Variants in ST3GAL1 observed in about 807,000 individuals in gnomAD.
ST3GAL1 encodes CMP-N-acetylneuraminate-beta-galactosamide-alpha-2,3-sialyltransferase 1.
Under a neutral mutation model 34.1 loss-of-function variants are expected in ST3GAL1, and 16 were observed. The ratio of observed to expected loss-of-function variants is 0.47; its 90% CI spans 0.32 to 0.71. ST3GAL1 has a LOEUF of 0.71. Ranked by LOEUF, ST3GAL1 falls within the 30% of genes least tolerant of loss-of-function variation. The pLI, the probability that ST3GAL1 is intolerant of heterozygous loss-of-function variation, is 0.04. For missense variants in ST3GAL1, 353 were observed against 447.4 expected, an observed-to-expected ratio of 0.79 and a Z score of 1.90; for synonymous variants, 191 against 184.7, an observed-to-expected ratio of 1.03 and a Z score of -0.28.
rs1369561069 is a variant in ST3GAL1, at chr8:133,556,819, G to T, written c.-581-10893C>A. Among the ~76,000 whole-genome samples, 1 of 152,140 alleles carries T rather than the reference G, an allele frequency of 6.6e-6. No homozygotes were observed. On this transcript the variant is annotated intron_variant, in intron 1 of 9. Coordinates refer to ENST00000522652, the MANE Select transcript of ST3GAL1 (RefSeq NM_173344.3). This position sits in a 1 kb window ranked among gnomAD's most constrained non-coding sequence, Gnocchi z 8.9. Reference sequence around the variant, plus strand: ...CCCTTTGAAATATGGTGTGGTGGAGGGGGGACATTTTGTTCTTTTGGCCTC... The same window carrying T: ...CCCTTTGAAATATGGTGTGGTGGAGTGGGGACATTTTGTTCTTTTGGCCTC...
At chr8:133,542,875 T>TA (rs1296712130) in intron 2 of ST3GAL1, among the ~76,000 whole-genome samples, 3 of 151,052 alleles carry the variant, frequency 2.0e-5, no homozygotes, top group Non-Finnish European at 2.9e-5. Flanking sequence ...CAGCAAAATT[T>TA]AAAAAATCAC....
chr8:133,541,511 C>T (rs188165875), intron 2 of ST3GAL1, among the ~76,000 whole-genome samples: 9 of 152,200 alleles, frequency 5.9e-5, no homozygotes, highest in Admixed American at 1.3e-4. Flanking sequence ...TACACCACCA[C>T]GTGCGTCTAC....
At chr8:133,512,062 A>G (rs759593596) in intron 2 of ST3GAL1, among the ~76,000 whole-genome samples, 8 of 152,170 alleles carry the variant, frequency 5.3e-5, no homozygotes, top group Non-Finnish European at 1.0e-4. Context: ...AAAACAAAAC[A>G]AAACAAAAAT....
At chr8:133,507,523 C>A (rs745658388) in intron 2 of ST3GAL1, among the ~76,000 whole-genome samples, 1 of 152,052 alleles carries the variant, frequency 6.6e-6, no homozygotes. Flanking sequence ...CTTGCAGGCA[C>A]GGGCATTACC....
rs1405037800 is a variant in ST3GAL1, at chr8:133,464,850, A to C, written c.611T>G (p.Met204Arg). 1 of 1,614,004 alleles carries C rather than the reference A, an allele frequency of 6.2e-7. No individual in the cohort carries two copies. ...SFRELGDNVS[M>R]ILVPFKTIDL... Reference sequence around the variant, plus strand: ...GATGGTCTTGAAGGGCACCAGGATCATGCTGACATTATCTCCCAGCTCCCG... The same window carrying C: ...GATGGTCTTGAAGGGCACCAGGATCCTGCTGACATTATCTCCCAGCTCCCG... The change falls in exon 7 of 10, where the codon ATG becomes AGG. Residue 204 changes from methionine to arginine, a missense_variant. By Grantham distance (91) the Met-to-Arg change is moderately conservative. Transcript: ENST00000522652.
Position 133,479,140 on chromosome 8 carries a change from G to A in ST3GAL1, c.-373-2540C>T, listed in dbSNP as rs183119864. On this transcript the variant is annotated intron_variant, in intron 3 of 9. Coordinates refer to ENST00000522652, the MANE Select transcript of ST3GAL1 (RefSeq NM_173344.3). ...TTTCTCGGGGCCGTCAGCCCATCAA[G>A]GTTGTCCATTCATCTCATTCATTGA... is the stretch of plus-strand genomic sequence containing the variant. Among the ~76,000 whole-genome samples the A allele has an allele frequency of 5.3e-5, 8 of 152,340 alleles. No homozygotes were observed. In the East Asian group the frequency reaches 1.5e-3, roughly 29 times the overall value.
chr8:133,456,426 G>A lies in ST3GAL1; in HGVS notation c.*3338C>T, dbSNP rs1199297196. 4 of 152,264 alleles carry A rather than the reference G, an allele frequency of 2.6e-5. No homozygotes were observed. Among genetic ancestry groups the A allele is most frequent in the African/African-American group, 9.6e-5 (4 of 41,466 alleles). The allele number at this position is 152,264 out of a possible 1,614,324, so 9.4% of individuals were successfully genotyped here. ...CCTGAATGCAGGGCCAGTCTCCAAG[G>A]AACTCTGTCTGCAGAGTAGAAAGAG... On this transcript the variant is annotated 3_prime_UTR_variant, in exon 10 of 10. Coordinates refer to ENST00000522652, the MANE Select transcript of ST3GAL1 (RefSeq NM_173344.3).
Position 133,475,840 on chromosome 8 carries a change from G to A in ST3GAL1, c.185C>T (p.Thr62Ile), listed in dbSNP as rs780980783. ...GAGCTTGCGCTGCCCGATGCAGTGG[G>A]TGCAGGTGCAAGGCCTGTGCTTGAT... ...RLIKHRPCTC[T>I]HCIGQRKLSA... The change falls in exon 5 of 10, where the codon ACC becomes ATC. Residue 62 changes from threonine to isoleucine, a missense_variant. Transcript: ENST00000522652. The A allele has an allele frequency of 3.1e-6, 5 of 1,614,176 alleles. No homozygotes were observed. Among genetic ancestry groups the A allele is most frequent in the Middle Eastern group, 1.6e-4 (1 of 6,062 alleles).
At chr8:133,483,917 C>G (rs1816485233) in intron 3 of ST3GAL1, among the ~76,000 whole-genome samples, 1 of 152,206 alleles carries the variant, frequency 6.6e-6, no homozygotes, top group Admixed American at 6.5e-5. Flanking sequence ...CAATTTTCCA[C>G]TCTCCAATCA....
chr8:133,560,560 A>G (rs77742405), intron 1 of ST3GAL1, among the ~76,000 whole-genome samples: 6,001 of 152,312 alleles, frequency 0.039, 355 homozygotes, highest in African/African-American at 0.13. Context: ...AAAGGATGTT[A>G]CAGAGCATGG....
intron 2 of ST3GAL1, among the ~76,000 whole-genome samples, chr8:133,509,439 G>C (rs2131008804): frequency 6.6e-6 from 1 of 152,336 alleles, no homozygotes; most frequent in South Asian, 2.1e-4. Flanking sequence ...CCTCTCTAAG[G>C]TTCATCTGTA....
chr8:133,569,362 A>G (rs1819496574), intron 1 of ST3GAL1, among the ~76,000 whole-genome samples: 1 of 152,268 alleles, frequency 6.6e-6, no homozygotes, highest in South Asian at 2.1e-4. Context: ...GTCAAGGTAT[A>G]CACATACACA....
intron 1 of ST3GAL1, among the ~76,000 whole-genome samples, chr8:133,550,696 C>T (rs890197619): frequency 2.6e-5 from 4 of 152,182 alleles, no homozygotes; most frequent in Non-Finnish European, 5.9e-5. Flanking sequence ...TGTCTACCTT[C>T]TCCAGCTAGA....
At chr8:133,531,814 GAA>G (rs55909710) in intron 2 of ST3GAL1, among the ~76,000 whole-genome samples, 2,796 of 99,720 alleles carry the variant, frequency 0.028, 52 homozygotes, top group South Asian at 0.07. Context: ...CTTAAAAACA[GAA>G]AAAAAAAAAA....
At chr8:133,494,813 A>G (rs969000287) in intron 3 of ST3GAL1, among the ~76,000 whole-genome samples, 2 of 151,974 alleles carry the variant, frequency 1.3e-5, no homozygotes, top group Non-Finnish European at 2.9e-5. Context: ...TAGTAAGGTC[A>G]TTCCTTTACT....
At chr8:133,487,225 T>C (rs543085455) in intron 3 of ST3GAL1, among the ~76,000 whole-genome samples, 23 of 152,110 alleles carry the variant, frequency 1.5e-4, no homozygotes, top group South Asian at 8.3e-4. Flanking sequence ...AGGCATGAGC[T>C]ACCACACCGT....
In ST3GAL1 at chr8:133,467,070, G is replaced by C. The variant is rs185072564; in HGVS notation, c.307-980C>G. On this transcript the variant is annotated intron_variant, in intron 5 of 9. Coordinates refer to ENST00000522652, the MANE Select transcript of ST3GAL1 (RefSeq NM_173344.3). The surrounding 1 kb of genome is among the most constrained non-coding windows in gnomAD (Gnocchi z 4.2). Reference sequence around the variant, plus strand: ...AGACAGTGCCACTGCACTTCAGCCTGGGTGACAGAGCGAGACTCCAACTCG... The same window carrying C: ...AGACAGTGCCACTGCACTTCAGCCTCGGTGACAGAGCGAGACTCCAACTCG... Among the ~76,000 whole-genome samples the C allele has an allele frequency of 2.0e-3, 300 of 151,596 alleles. No homozygotes were observed. The highest frequency in any genetic ancestry group is 7.1e-3 in the African/African-American group (294 of 41,248).
chr8:133,568,927 C>A (rs1351756854), intron 1 of ST3GAL1, among the ~76,000 whole-genome samples: 1 of 152,164 alleles, frequency 6.6e-6, no homozygotes, highest in African/African-American at 2.4e-5. Context: ...TCCAGATCAG[C>A]GACAGCCAAT....
At chr8:133,548,857 G>A (rs972419174) in intron 1 of ST3GAL1, among the ~76,000 whole-genome samples, 1 of 152,116 alleles carries the variant, frequency 6.6e-6, no homozygotes, top group African/African-American at 2.4e-5. Flanking sequence ...TACCCCACTG[G>A]CTATCATATG....
Sources: gnomAD v4.1 joint callset for allele counts (sites outside exome capture counted in the v4.1 genomes callset) on GRCh38, gnomAD v4.1.1 for gene constraint, Gnocchi (gnomAD v3.1) non-coding constraint, MANE v1.5 for transcripts, NCBI Gene and HGNC (gene_info 2026-07-23, HGNC 2026-07-21) for gene names.